ZZEF1: variants seen among roughly 807,000 people sequenced by gnomAD.
ZZEF1 encodes the protein zinc finger ZZ-type and EF-hand domain containing 1.
ZZEF1 carries 157 observed loss-of-function variants against 342.8 expected under a neutral mutation model. The ratio of observed to expected loss-of-function variants is 0.46; its 90% CI spans 0.40 to 0.52. The LOEUF is 0.52. ZZEF1 is among the 20% of genes least tolerant of loss of function. The pLI is 0.00. For missense variants in ZZEF1, 3,480 were observed against 3,725.6 expected, an observed-to-expected ratio of 0.93 and a Z score of 1.72; for synonymous variants, 1,505 against 1,429.1, an observed-to-expected ratio of 1.05 and a Z score of -1.20.
intron 1 of ZZEF1, among the ~76,000 whole-genome samples, chr17:4,125,995 G>C (rs1050984296): frequency 6.6e-6 from 1 of 152,110 alleles, no homozygotes; most frequent in South Asian, 2.1e-4. Flanking sequence ...GGGAGGCCGA[G>C]GTGGGTGAAT....
chr17:4,120,681 C>T (rs2058468558), intron 2 of ZZEF1, among the ~76,000 whole-genome samples: 1 of 152,194 alleles, frequency 6.6e-6, no homozygotes, highest in African/African-American at 2.4e-5. Flanking sequence ...TGGCTCATGC[C>T]TGTAATCCCC....
intron 1 of ZZEF1, among the ~76,000 whole-genome samples, chr17:4,132,449 A>G (rs1417833440): frequency 6.6e-6 from 1 of 152,176 alleles, no homozygotes; most frequent in Non-Finnish European, 1.5e-5. Context: ...CTGTAATCCC[A>G]GCACTTTGGG....
intron 44 of ZZEF1, chr17:4,022,459 C>T: frequency 2.3e-6 from 1 of 427,264 alleles, no homozygotes; most frequent in Non-Finnish European, 4.2e-6. Context: ...AATGGTTAAT[C>T]ATGTGTTTCC....
At chr17:4,118,373 G>T (rs1044195877) in intron 2 of ZZEF1, among the ~76,000 whole-genome samples, 1 of 152,164 alleles carries the variant, frequency 6.6e-6, no homozygotes, top group African/African-American at 2.4e-5. Flanking sequence ...CTCAAAAGAA[G>T]AGTAGTTATC....
At position 4,017,306 on chromosome 17, in the gene ZZEF1, G is replaced by A. The variant is rs2056132139; in HGVS notation, c.8001+65C>T. The A allele has an allele frequency of 6.5e-7, 1 of 1,533,592 alleles. No homozygotes were observed. The highest frequency in any genetic ancestry group is 1.4e-5 in the African/African-American group (1 of 73,680). 95.0% of individuals were successfully genotyped at this position (1,533,592 alleles called of 1,614,324 possible). A position where few individuals can be genotyped will look rare whatever the true frequency, so the allele number is the denominator to read the frequency against. On this transcript the variant is annotated intron_variant, in intron 48 of 54. Coordinates refer to ENST00000381638, the MANE Select transcript of ZZEF1 (RefSeq NM_015113.4). The surrounding 1 kb of genome is among the most constrained non-coding windows in gnomAD (Gnocchi z 5.1). The stretch of plus-strand genomic sequence containing the variant: ...AGCCTCGCTCCAGGAAGCACTCACT[G>A]GAGGAAGCCTGTGGGGCAGAGGAAG...
intron 5 of ZZEF1, among the ~76,000 whole-genome samples, chr17:4,110,894 G>A (rs769239422): frequency 6.6e-6 from 1 of 151,894 alleles, no homozygotes; most frequent in African/African-American, 2.4e-5. Context: ...TTTGTATTTG[G>A]TAGAGACGGA....
chr17:4,027,406 T>C (rs2056435554), intron 42 of ZZEF1, among the ~76,000 whole-genome samples: 1 of 148,790 alleles, frequency 6.7e-6, no homozygotes, highest in African/African-American at 2.5e-5. Context: ...GTGATTATCC[T>C]GCCTCAGCCT....
intron 1 of ZZEF1, among the ~76,000 whole-genome samples, chr17:4,128,116 CCAG>C (rs1451483464): frequency 6.6e-6 from 1 of 152,042 alleles, no homozygotes; most frequent in African/African-American, 2.4e-5. Flanking sequence ...GAGGCTGAGG[CCAG>C]CAGATCACTT....
At position 4,042,549 on chromosome 17, in the gene ZZEF1, C is replaced by T. The variant is rs1375467665; in HGVS notation, c.6186G>A (p.Val2062=). The change falls in exon 39 of 55, where the codon GTG becomes GTA. Residue 2062 remains valine, a synonymous_variant. Coordinates refer to ENST00000381638, the MANE Select transcript of ZZEF1 (RefSeq NM_015113.4). Reference sequence around the variant, plus strand: ...TTTCCTCTATGGGCTTCTGAGATGACACTTCTGAATCTTCAGCATCTAAGT... The same window carrying T: ...TTTCCTCTATGGGCTTCTGAGATGATACTTCTGAATCTTCAGCATCTAAGT... ...TGLPDAEDSE[V]SSQKPIEEKA... is the part of the protein sequence containing the mutation. The T allele has an allele frequency of 1.2e-6, 2 of 1,612,838 alleles. No homozygotes were observed. The highest frequency in any genetic ancestry group is 1.7e-6 in the Non-Finnish European group (2 of 1,179,686).
At chr17:4,020,952 GGGCTTTTCT>G (rs1437201748) in intron 45 of ZZEF1, among the ~76,000 whole-genome samples, 168 bp downstream of exon 45, 1 of 152,182 alleles carries the variant, frequency 6.6e-6, no homozygotes, top group African/African-American at 2.4e-5. Context: ...TATTGTTGTG[GGGCTTTTCT>G]GTTCTTCTGG....
In ZZEF1 at chr17:4,021,166, A is replaced by G; in HGVS notation, c.7367T>C (p.Leu2456Pro). ...TCTGGTGGGCTCATCCAGGCCCTCAAGGGGGTCCAGCTTTTTCTGCTCTGG... is the reference window on the plus strand; with the variant it reads ...TCTGGTGGGCTCATCCAGGCCCTCAGGGGGGTCCAGCTTTTTCTGCTCTGG... Reference protein sequence around the residue: ...GDPEQKKLDPLEGLDEPTRIC... With the variant: ...GDPEQKKLDPPEGLDEPTRIC... The change falls in exon 45 of 55, where the codon CTT (leucine) becomes CCT (proline). Residue 2456 changes from leucine to proline, a missense_variant. By Grantham distance (98) the Leu-to-Pro change is moderately conservative. Coordinates refer to ENST00000381638, the MANE Select transcript of ZZEF1 (RefSeq NM_015113.4). 1.2e-6 allele frequency: 2 copies of G among 1,613,958 alleles called. No homozygotes were observed. The highest frequency in any genetic ancestry group is 1.7e-5 in the Admixed American group (1 of 59,996).
Position 4,088,815 on chromosome 17 carries a change from A to G in ZZEF1, c.2104T>C (p.Tyr702His). The change falls in exon 13 of 55, where the codon TAC (tyrosine) becomes CAC (histidine). Residue 702 changes from tyrosine to histidine, a missense_variant. By Grantham distance (83) the Tyr-to-His change is moderately conservative. Transcript: ENST00000381638. ...GCTTCTGCTCTTGCAGGCCGGAGGT[A>G]CCCACTGATGGTCAAGCCTTGCACT... Reference protein sequence around the residue: ...LGVQGLTISGYLRPARAEAEQ... With the variant: ...LGVQGLTISGHLRPARAEAEQ... 1 of 1,614,176 alleles carries G rather than the reference A, an allele frequency of 6.2e-7. No homozygotes were observed. The highest frequency in any genetic ancestry group is 8.5e-7 in the Non-Finnish European group (1 of 1,180,030).
intron 26 of ZZEF1, among the ~76,000 whole-genome samples, chr17:4,069,187 T>C (rs1479051389): frequency 6.6e-6 from 1 of 152,218 alleles, no homozygotes; most frequent in African/African-American, 2.4e-5. Context: ...TTTCTCAGCT[T>C]TTAACCCACA....
At chr17:4,095,763 A>G (rs776438149) in intron 11 of ZZEF1, 68 bp downstream of exon 11, 12 of 1,508,776 alleles carry the variant, frequency 8.0e-6, no homozygotes, top group African/African-American at 2.8e-5. Flanking sequence ...GCATGAATAC[A>G]TTCTTATTAA....
chr17:4,059,084 G>A, intron 31 of ZZEF1, 87 bp downstream of exon 31: 1 of 1,145,942 alleles, frequency 8.7e-7, no homozygotes, highest in Non-Finnish European at 1.2e-6. Context: ...TGTGCTTTTT[G>A]GTATTTTTGA....
chr17:4,119,125 T>A (rs892050614), intron 2 of ZZEF1, among the ~76,000 whole-genome samples: 2 of 152,234 alleles, frequency 1.3e-5, no homozygotes, highest in African/African-American at 4.8e-5. Flanking sequence ...ATTTGCCAAA[T>A]CAATGGCTGC....
chr17:4,061,514 G>C (rs1312100026), intron 30 of ZZEF1, among the ~76,000 whole-genome samples: 1 of 152,010 alleles, frequency 6.6e-6, no homozygotes, highest in Non-Finnish European at 1.5e-5. Flanking sequence ...ACTTCTTTCC[G>C]TAACTTTAGT....
At chr17:4,127,848 G>C (rs1190108844) in intron 1 of ZZEF1, among the ~76,000 whole-genome samples, 2 of 152,184 alleles carry the variant, frequency 1.3e-5, no homozygotes, top group East Asian at 3.8e-4. Flanking sequence ...TGGGGAACCT[G>C]GTAAACTCAG....
intron 1 of ZZEF1, among the ~76,000 whole-genome samples, chr17:4,132,357 TA>T (rs2058673881): frequency 6.6e-6 from 1 of 152,032 alleles, no homozygotes; most frequent in Admixed American, 6.5e-5. Flanking sequence ...CTAATTTTTG[TA>T]TTTTTCCTAG....
Sources: gnomAD v4.1 joint callset for allele counts (sites outside exome capture counted in the v4.1 genomes callset) on GRCh38, gnomAD v4.1.1 for gene constraint, Gnocchi (gnomAD v3.1) non-coding constraint, MANE v1.5 for transcripts, NCBI Gene and HGNC (gene_info 2026-07-23, HGNC 2026-07-21) for gene names.